NRXN3: variants seen among roughly 807,000 people sequenced by gnomAD.
NRXN3 encodes neurexin 3.
NRXN3 carries 32 observed loss-of-function variants against 137.6 expected under a neutral mutation model. The ratio of observed to expected loss-of-function variants is 0.23; its 90% CI spans 0.18 to 0.31. The LOEUF (loss-of-function observed/expected upper bound fraction) is 0.31, where lower values mean the gene tolerates loss of function less well. NRXN3 is among the 10% of genes least tolerant of loss of function. The pLI, the probability that NRXN3 is intolerant of heterozygous loss-of-function variation, is 1.00. For missense variants in NRXN3, 1,574 were observed against 2,062.5 expected (o/e 0.76, Z 4.59); for synonymous variants, 798 against 784.5 (o/e 1.02, Z -0.29).
At chr14:79,178,246 C>T (rs2062555916) in intron 15 of NRXN3, among the ~76,000 whole-genome samples, 1 of 152,204 alleles carries the variant, frequency 6.6e-6, no homozygotes, top group South Asian at 2.1e-4. Flanking sequence ...TGTTCCAATA[C>T]TTACATGCAA....
Position 78,242,916 on chromosome 14 carries a change from G to T in NRXN3, c.-178G>T. 1.7e-6 allele frequency: 1 copy of T among 576,660 alleles called. No homozygotes were observed. The allele number at this position is 576,660 out of a possible 1,614,324, so 35.7% of individuals were successfully genotyped here. A position where few individuals can be genotyped will look rare whatever the true frequency, so the allele number is the denominator to read the frequency against. On this transcript the variant is annotated 5_prime_UTR_variant, in exon 2 of 21. Transcript: ENST00000335750. ...TTGTGTGCCCCTCTGGGACTCTCTT[G>T]TACACTTTCCTCCATCTCCACTATC...
rs118047098 is a variant in NRXN3, at chr14:78,394,280, G to A, written c.757+96420G>A. Among the ~76,000 whole-genome samples, 22 of 152,002 alleles carry A rather than the reference G, an allele frequency of 1.4e-4. No homozygotes were observed. The East Asian group carries it at 3.7e-3, about 25-fold the overall frequency. On this transcript the variant is annotated intron_variant, in intron 4 of 20. Transcript: ENST00000335750. ...TTCATCTCTATTTTTATTCTTCTGA[G>A]AGTGGGTGTTAAATTTTGTCAGATG...
intron 16 of NRXN3, among the ~76,000 whole-genome samples, chr14:79,570,361 GC>G (rs2097587482): frequency 6.6e-6 from 1 of 152,156 alleles, no homozygotes; most frequent in African/African-American, 2.4e-5. Context: ...GCCAAGCACA[GC>G]TGTCCACAGA....
intron 16 of NRXN3, among the ~76,000 whole-genome samples, chr14:79,627,853 T>C (rs1202818693): frequency 1.3e-5 from 2 of 152,180 alleles, no homozygotes; most frequent in African/African-American, 4.8e-5. Context: ...GAATGTGTCT[T>C]ACTTTTTTTA....
intron 19 of NRXN3, among the ~76,000 whole-genome samples, chr14:79,713,649 A>G (rs1603447227): frequency 6.9e-6 from 1 of 144,758 alleles, no homozygotes; most frequent in Non-Finnish European, 1.5e-5. Context: ...TCACTACACA[A>G]TTCCACTAAG....
intron 10 of NRXN3, among the ~76,000 whole-genome samples, chr14:78,818,246 AT>A (rs1430192852): frequency 6.6e-6 from 1 of 152,088 alleles, no homozygotes; most frequent in African/African-American, 2.4e-5. Flanking sequence ...ACAGCCTAAA[AT>A]TTTTACATTG....
intron 6 of NRXN3, among the ~76,000 whole-genome samples, chr14:78,672,704 G>A (rs2097949746): frequency 6.6e-6 from 1 of 152,196 alleles, no homozygotes; most frequent in African/African-American, 2.4e-5. Context: ...CATGCTTGCT[G>A]TGTGACCGAA....
intron 4 of NRXN3, among the ~76,000 whole-genome samples, chr14:78,585,969 A>T (rs558987605): frequency 1.9e-4 from 29 of 152,326 alleles, no homozygotes; most frequent in African/African-American, 6.5e-4. Flanking sequence ...AGCGTAGATA[A>T]ATTGAGTGTA....
intron 16 of NRXN3, among the ~76,000 whole-genome samples, chr14:79,521,260 G>A (rs2097061100): frequency 6.6e-6 from 1 of 152,000 alleles, no homozygotes; most frequent in South Asian, 2.1e-4. Context: ...TGTTTGTAAT[G>A]TGTTCTATGC....
At chr14:79,118,293 G>A (rs74544215) in intron 15 of NRXN3, among the ~76,000 whole-genome samples, 2,496 of 152,228 alleles carry the variant, frequency 0.016, 57 homozygotes, top group African/African-American at 0.057. Flanking sequence ...CAAAAAACAA[G>A]GGACATCAAA....
intron 10 of NRXN3, among the ~76,000 whole-genome samples, chr14:78,910,852 T>C (rs1489968615): frequency 2.0e-5 from 3 of 152,274 alleles, no homozygotes; most frequent in African/African-American, 4.8e-5. Flanking sequence ...ATGTTTTGGG[T>C]CCATGAAAAC....
At chr14:79,748,707 G>T (rs1202702963) in intron 19 of NRXN3, among the ~76,000 whole-genome samples, 1 of 151,710 alleles carries the variant, frequency 6.6e-6, no homozygotes, top group African/African-American at 2.4e-5. Flanking sequence ...AAATTTCCTT[G>T]TTGTTCTTTT....
chr14:79,410,194 C>T (rs980985567), intron 15 of NRXN3, among the ~76,000 whole-genome samples: 2 of 151,824 alleles, frequency 1.3e-5, no homozygotes, highest in Admixed American at 1.3e-4. Flanking sequence ...ATTTGAGACA[C>T]ACACACACGC....
At chr14:79,525,391 A>T (rs1379455812) in intron 16 of NRXN3, among the ~76,000 whole-genome samples, 1 of 152,202 alleles carries the variant, frequency 6.6e-6, no homozygotes, top group African/African-American at 2.4e-5. Context: ...CATGGAGGGC[A>T]CAAATCTCCA....
chr14:78,239,273 G>A (rs34691573), intron 1 of NRXN3, among the ~76,000 whole-genome samples: 33,323 of 152,144 alleles, frequency 0.22, 4,145 homozygotes, highest in Middle Eastern at 0.34. Flanking sequence ...CTTAATTGCC[G>A]TGCTTTACTG....
chr14:79,583,233 C>T (rs2097733752), intron 16 of NRXN3, among the ~76,000 whole-genome samples: 1 of 152,130 alleles, frequency 6.6e-6, no homozygotes, highest in Non-Finnish European at 1.5e-5. Flanking sequence ...GGTTTCTCAT[C>T]TTAAAATAGA....
At chr14:79,354,125 TA>T (rs1222031796) in intron 15 of NRXN3, among the ~76,000 whole-genome samples, 1 of 152,170 alleles carries the variant, frequency 6.6e-6, no homozygotes, top group Non-Finnish European at 1.5e-5. Flanking sequence ...GTCAAATGTT[TA>T]ATCTCAGGAG....
At chr14:79,799,248 A>C (rs2099169692) in intron 19 of NRXN3, among the ~76,000 whole-genome samples, 1 of 152,214 alleles carries the variant, frequency 6.6e-6, no homozygotes, top group African/African-American at 2.4e-5. Context: ...TACATATTTT[A>C]ACATGTAGTA....
At chr14:79,037,881 GCT>G (rs1321086711) in intron 15 of NRXN3, among the ~76,000 whole-genome samples, 1 of 152,064 alleles carries the variant, frequency 6.6e-6, no homozygotes, top group African/African-American at 2.4e-5. Context: ...GCTGGTACGG[GCT>G]GTGGTGACAG....
Sources: allele counts gnomAD v4.1 joint callset (sites outside exome capture counted in the v4.1 genomes callset), GRCh38; gene constraint gnomAD v4.1.1; transcripts MANE v1.5; gene names NCBI Gene and HGNC (gene_info 2026-07-23, HGNC 2026-07-21).